Variants in TENM2 observed in about 807,000 individuals in gnomAD.
TENM2 encodes the protein teneurin-2.
TENM2 carries 52 observed loss-of-function variants against 245.2 expected under a neutral mutation model. The observed-to-expected ratio is 0.21, with a 90% CI of 0.17 to 0.27. TENM2 has a LOEUF of 0.27. Among genes scored for constraint, TENM2 ranks in the 10% least tolerant of loss-of-function variants. The probability of loss-of-function intolerance (pLI) is 1.00; values close to 1 mark genes in which losing one functional copy is unlikely to be tolerated. For synonymous variants in TENM2, 1,363 were observed against 1,438.9 expected, an observed-to-expected ratio of 0.95 and a Z score of 1.19; for missense variants, 3,046 against 3,666.8, an observed-to-expected ratio of 0.83 and a Z score of 4.37.
chr5:167,570,665 G>A (rs913539167), intron 2 of TENM2, among the ~76,000 whole-genome samples: 1 of 152,152 alleles, frequency 6.6e-6, no homozygotes, highest in African/African-American at 2.4e-5. Context: ...AATGGGTGTT[G>A]CATTTCACCG....
chr5:167,792,932 G>T (rs1043081300), intron 2 of TENM2, among the ~76,000 whole-genome samples: 1 of 152,078 alleles, frequency 6.6e-6, no homozygotes, highest in South Asian at 2.1e-4. Flanking sequence ...AATTTGTCTC[G>T]TTCTTCCTTC....
At chr5:168,068,169 T>C (rs1284696362) in intron 7 of TENM2, among the ~76,000 whole-genome samples, 1 of 152,016 alleles carries the variant, frequency 6.6e-6, no homozygotes, top group Non-Finnish European at 1.5e-5. Flanking sequence ...AGGAGAAATC[T>C]CATGGCATGC....
intron 2 of TENM2, among the ~76,000 whole-genome samples, chr5:167,706,743 G>A (rs574616564): frequency 1.6e-4 from 25 of 151,676 alleles, no homozygotes; most frequent in East Asian, 1.2e-3. Context: ...GGCCGGGCGC[G>A]GTGGCTCACG....
At chr5:167,094,768 C>T in the TENM2 span, among the ~76,000 whole-genome samples, 1 of 152,192 alleles carries the variant, frequency 6.6e-6, no homozygotes, top group Non-Finnish European at 1.5e-5. Flanking sequence ...GTCTTTGCAA[C>T]TCTCAGATCC....
At chr5:167,147,223 C>A in the TENM2 span, among the ~76,000 whole-genome samples, 1 of 152,120 alleles carries the variant, frequency 6.6e-6, no homozygotes, top group Non-Finnish European at 1.5e-5. Context: ...ATATGCTAAT[C>A]TCTTAGAGGA....
intron 2 of TENM2, among the ~76,000 whole-genome samples, chr5:167,573,201 G>T (rs1435257998): frequency 6.6e-6 from 1 of 152,094 alleles, no homozygotes; most frequent in East Asian, 1.9e-4. Context: ...GCAAATTGCC[G>T]TAGAAATTAG....
the TENM2 span, among the ~76,000 whole-genome samples, chr5:167,268,676 G>A: frequency 6.6e-6 from 1 of 152,088 alleles, no homozygotes; most frequent in African/African-American, 2.4e-5. Flanking sequence ...TGTAAATAAA[G>A]TTTTATTGAA....
At chr5:168,191,198 G>A (rs1760921643) in intron 14 of TENM2, among the ~76,000 whole-genome samples, 1 of 152,120 alleles carries the variant, frequency 6.6e-6, no homozygotes, top group African/African-American at 2.4e-5. Flanking sequence ...AATATTCTAG[G>A]GTCAAGTTCT....
At chr5:167,342,508 T>C (rs941224955) in intron 1 of TENM2, among the ~76,000 whole-genome samples, 2 of 33,230 alleles carry the variant, frequency 6.0e-5, no homozygotes, top group Non-Finnish European at 1.1e-4. Context: ...AAAGTTATTC[T>C]TTTTTTTTTT....
chr5:168,149,404 G>C (rs772545696), intron 12 of TENM2: 6 of 457,028 alleles, frequency 1.3e-5, no homozygotes, highest in African/African-American at 1.0e-4. Flanking sequence ...CGAGGAGTCT[G>C]GTTTGCTGCA....
exon 25 of TENM2, chr5:168,227,930 G>A (rs1764379639): frequency 6.2e-7 from 1 of 1,612,294 alleles, no homozygotes; most frequent in South Asian, 1.1e-5. Context: ...CTGTAATAAT[G>A]GTACCCTGAG....
At chr5:167,063,719 A>G in the TENM2 span, among the ~76,000 whole-genome samples, 3,513 of 152,316 alleles carry the variant, frequency 0.023, 55 homozygotes, top group Non-Finnish European at 0.035. Context: ...CAGAAGCCAA[A>G]TGTGTAATTG....
At chr5:168,036,453 T>C (rs1434237973) in intron 5 of TENM2, among the ~76,000 whole-genome samples, 1 of 151,648 alleles carries the variant, frequency 6.6e-6, no homozygotes, top group African/African-American at 2.4e-5. Context: ...CCTGGCCAAA[T>C]GGTGAAACCC....
At chr5:167,390,327 C>T (rs2127360027) in intron 2 of TENM2, among the ~76,000 whole-genome samples, 1 of 152,266 alleles carries the variant, frequency 6.6e-6, no homozygotes, top group African/African-American at 2.4e-5. Flanking sequence ...GACTTTATAT[C>T]AGATTGTTAA....
chr5:167,403,237 C>T (rs1762457664), intron 2 of TENM2, among the ~76,000 whole-genome samples: 1 of 151,724 alleles, frequency 6.6e-6, no homozygotes, highest in Non-Finnish European at 1.5e-5. Flanking sequence ...TACATTTGGG[C>T]CATTTGTGAC....
At chr5:168,221,124 GAAAA>G (rs972512095) in intron 23 of TENM2, among the ~76,000 whole-genome samples, 6 of 149,264 alleles carry the variant, frequency 4.0e-5, no homozygotes, top group African/African-American at 1.2e-4. Flanking sequence ...AAAAAAAAAA[GAAAA>G]AGAAAGAAAG....
intron 1 of TENM2, among the ~76,000 whole-genome samples, chr5:167,363,525 G>A (rs1759838190): frequency 6.6e-6 from 1 of 151,842 alleles, no homozygotes; most frequent in African/African-American, 2.4e-5. Flanking sequence ...AGGTCAGGAG[G>A]TCAAGACCAT....
intron 2 of TENM2, among the ~76,000 whole-genome samples, chr5:167,542,130 T>C (rs1432817246): frequency 6.6e-6 from 1 of 152,110 alleles, no homozygotes; most frequent in Non-Finnish European, 1.5e-5. Flanking sequence ...TGCCACCAAT[T>C]GCATAAGGTA....
chr5:167,867,612 A>G (rs1053205561), intron 2 of TENM2, among the ~76,000 whole-genome samples: 3 of 151,944 alleles, frequency 2.0e-5, no homozygotes, highest in African/African-American at 4.9e-5. Flanking sequence ...GAAGAGGGCA[A>G]TTAGGTCTTC....
Sources: allele counts gnomAD v4.1 joint callset (sites outside exome capture counted in the v4.1 genomes callset), GRCh38; gene constraint gnomAD v4.1.1; transcripts MANE v1.5; gene names NCBI Gene and HGNC (gene_info 2026-07-23, HGNC 2026-07-21).